SRRM4: variants seen among roughly 807,000 people sequenced by gnomAD.
The protein encoded by SRRM4 is serine/arginine repetitive matrix 4.
A neutral mutation model predicts 68.9 loss-of-function variants in SRRM4; 33 were observed. The observed-to-expected ratio is 0.48, with a 90% CI of 0.36 to 0.64. The LOEUF is 0.64. Among genes scored for constraint, SRRM4 ranks in the 30% least tolerant of loss-of-function variants. The pLI is 0.00. For synonymous variants in SRRM4, 318 were observed against 318.8 expected (o/e 1.00, Z 0.03); for missense variants, 817 against 827.1 (o/e 0.99, Z 0.15).
chr12:119,069,265 T>A (rs1953863737), intron 1 of SRRM4, among the ~76,000 whole-genome samples: 1 of 152,136 alleles, frequency 6.6e-6, no homozygotes, highest in Admixed American at 6.5e-5. Flanking sequence ...GGAGACCTTT[T>A]TATAAATACA....
intron 1 of SRRM4, among the ~76,000 whole-genome samples, chr12:119,042,091 A>G (rs1333405358): frequency 3.3e-5 from 5 of 152,154 alleles, no homozygotes; most frequent in African/African-American, 9.7e-5. Flanking sequence ...AGAGTCTTAG[A>G]AAGACTCCAA....
At chr12:119,038,244 G>A (rs370736994) in intron 1 of SRRM4, among the ~76,000 whole-genome samples, 4 of 145,128 alleles carry the variant, frequency 2.8e-5, no homozygotes, top group South Asian at 2.2e-4. Context: ...TCTCTCTGTC[G>A]CCCAGGCTGG....
Position 119,162,143 on chromosome 12 carries a change from G to A in SRRM4, c.*5345G>A, listed in dbSNP as rs1954518377. 1 of 152,194 alleles carries A rather than the reference G, an allele frequency of 6.6e-6. No individual in the cohort carries two copies. Among genetic ancestry groups the A allele is most frequent in the Admixed American group, 6.5e-5 (1 of 15,276 alleles). 9.4% of individuals were successfully genotyped at this position (152,194 alleles called of 1,614,324 possible). A position where few individuals can be genotyped will look rare whatever the true frequency, so the allele number is the denominator to read the frequency against. ...GCCCTGATGCTATGGACTCCATACTGTTGGATATATTGTCTCTTGTGTCTT... is the reference window on the plus strand; with the variant it reads ...GCCCTGATGCTATGGACTCCATACTATTGGATATATTGTCTCTTGTGTCTT... On this transcript the variant is annotated 3_prime_UTR_variant, in exon 13 of 13. Transcript: ENST00000267260.
At chr12:119,075,787 G>T (rs1325452732) in intron 1 of SRRM4, among the ~76,000 whole-genome samples, 1 of 133,160 alleles carries the variant, frequency 7.5e-6, no homozygotes, top group Non-Finnish European at 1.7e-5. Flanking sequence ...TGATGATAGC[G>T]ATGATGGTGA....
At chr12:119,097,385 A>G (rs1954052438) in intron 1 of SRRM4, among the ~76,000 whole-genome samples, 1 of 152,246 alleles carries the variant, frequency 6.6e-6, no homozygotes, top group Admixed American at 6.5e-5. Flanking sequence ...TGGTTCCCAC[A>G]TGAGATCGGT....
At chr12:118,984,530 A>G (rs1953270551) in intron 1 of SRRM4, among the ~76,000 whole-genome samples, 1 of 152,152 alleles carries the variant, frequency 6.6e-6, no homozygotes, top group Non-Finnish European at 1.5e-5. Context: ...GTCACACTTA[A>G]TATTTGTTTA....
intron 1 of SRRM4, among the ~76,000 whole-genome samples, chr12:119,030,131 T>C (rs1476338934): frequency 1.3e-5 from 2 of 152,164 alleles, no homozygotes; most frequent in African/African-American, 2.4e-5. Context: ...AAATGCATAG[T>C]GATTTTCCAC....
At chr12:119,153,806 G>A (rs181355323) in intron 11 of SRRM4, among the ~76,000 whole-genome samples, 157 bp downstream of exon 11, 1 of 152,058 alleles carries the variant, frequency 6.6e-6, no homozygotes, top group Non-Finnish European at 1.5e-5. Context: ...ATCAGGAGTG[G>A]CAGCGAGGCA....
At chr12:119,032,810 C>G (rs1417624727) in intron 1 of SRRM4, among the ~76,000 whole-genome samples, 1 of 152,108 alleles carries the variant, frequency 6.6e-6, no homozygotes, top group Non-Finnish European at 1.5e-5. Flanking sequence ...CCTTCAGATT[C>G]TTTATCATTA....
At chr12:119,137,619 AG>A (rs1954338522) in intron 8 of SRRM4, among the ~76,000 whole-genome samples, 1 of 135,544 alleles carries the variant, frequency 7.4e-6, no homozygotes, top group Admixed American at 7.3e-5. Flanking sequence ...AGAGAGAGAG[AG>A]AGAGAGAGAG....
At chr12:119,075,914 A>ACGG (rs1953910399) in intron 1 of SRRM4, among the ~76,000 whole-genome samples, 1 of 103,726 alleles carries the variant, frequency 9.6e-6, no homozygotes, top group African/African-American at 3.9e-5. Flanking sequence ...GATGGTGATG[A>ACGG]TGATGATGAT....
rs1953461982 is a variant in SRRM4, at chr12:119,013,427, A to G, written c.131+31414A>G. ...AATATTTTGTAAATGAGTTTTAATC[A>G]TAAAAGTTACACATGACAATGGTTT... On this transcript the variant is annotated intron_variant, in intron 1 of 12. Coordinates refer to ENST00000267260, the MANE Select transcript of SRRM4 (RefSeq NM_194286.4). Among the ~76,000 whole-genome samples the G allele has an allele frequency of 3.9e-5, 6 of 152,380 alleles. No homozygotes were observed. The South Asian group carries it at 1.2e-3, about 32-fold the overall frequency.
intron 8 of SRRM4, among the ~76,000 whole-genome samples, chr12:119,144,071 G>T (rs1298521606): frequency 6.6e-6 from 1 of 152,050 alleles, no homozygotes; most frequent in African/African-American, 2.4e-5. Flanking sequence ...CCAAGTGCTG[G>T]CTTTCCATCG....
intron 1 of SRRM4, among the ~76,000 whole-genome samples, chr12:119,064,047 T>G (rs1193504703): frequency 6.6e-6 from 1 of 152,208 alleles, no homozygotes; most frequent in South Asian, 2.1e-4. Context: ...TTGATCTTAT[T>G]ATCTTCTGAA....
chr12:119,033,281 T>C (rs1183421000), intron 1 of SRRM4, among the ~76,000 whole-genome samples: 1 of 152,232 alleles, frequency 6.6e-6, no homozygotes, highest in Admixed American at 6.5e-5. Context: ...TCTTTTTCTC[T>C]TTTCTTTGTA....
At chr12:119,028,603 CA>C (rs766925771) in intron 1 of SRRM4, among the ~76,000 whole-genome samples, 27 of 152,266 alleles carry the variant, frequency 1.8e-4, no homozygotes, top group African/African-American at 5.8e-4. Context: ...ATATCTTTAT[CA>C]GCAGCATGAA....
chr12:119,018,052 G>T (rs745904007), intron 1 of SRRM4, among the ~76,000 whole-genome samples: 82 of 152,224 alleles, frequency 5.4e-4, no homozygotes, highest in Non-Finnish European at 1.2e-3. Flanking sequence ...GCTTGACACA[G>T]AGTTGTTGTC....
At chr12:119,078,748 C>T (rs547814028) in intron 1 of SRRM4, among the ~76,000 whole-genome samples, 2 of 152,006 alleles carry the variant, frequency 1.3e-5, no homozygotes, top group East Asian at 1.9e-4. Flanking sequence ...AGTGTGACCC[C>T]GTCTCTACAA....
At chr12:119,136,001 G>A (rs1311315687) in intron 8 of SRRM4, among the ~76,000 whole-genome samples, 1 of 151,888 alleles carries the variant, frequency 6.6e-6, no homozygotes, top group East Asian at 1.9e-4. Flanking sequence ...CTACTGTCCT[G>A]CCCTCATGTA....
Sources: allele counts gnomAD v4.1 joint callset (sites outside exome capture counted in the v4.1 genomes callset), GRCh38; gene constraint gnomAD v4.1.1; transcripts MANE v1.5; gene names NCBI Gene and HGNC (gene_info 2026-07-23, HGNC 2026-07-21).